Variants in RPS29 observed in about 807,000 individuals in gnomAD.
The protein encoded by RPS29 is small ribosomal subunit protein uS14.
For synonymous variants in RPS29, 37 were observed against 26.9 expected, an observed-to-expected ratio of 1.37 and a Z score of -1.16; for missense variants, 60 against 75.7, an observed-to-expected ratio of 0.79 and a Z score of 0.77.
exon 3 of RPS29, chr14:49,572,651 C>G (rs559761033): frequency 6.6e-6 from 1 of 152,084 alleles, no homozygotes; most frequent in Non-Finnish European, 1.5e-5. Flanking sequence ...ATGAAGGACA[C>G]AAATGAGAAG....
chr14:49,586,539 A>G (rs568884628), upstream of RPS29: 53 of 611,482 alleles, frequency 8.7e-5, no homozygotes, highest in African/African-American at 7.3e-4. Flanking sequence ...TGACGTCACC[A>G]TACCACAGCT....
At chr14:49,590,849 C>T (rs1881695239), upstream of RPS29, among the ~76,000 whole-genome samples, 1 of 152,062 alleles carries the variant, frequency 6.6e-6, no homozygotes. Context: ...TGCCACCACT[C>T]CCAGCTAATT....
chr14:49,584,224 T>C (rs1195945210), intron 2 of RPS29, among the ~76,000 whole-genome samples: 1 of 152,230 alleles, frequency 6.6e-6, no homozygotes, highest in African/African-American at 2.4e-5. Context: ...TCTGCCCATC[T>C]TGTCGGCCTC....
chr14:49,598,319 A>G (rs1208302263), intron 1 of RPS29: 7 of 608,100 alleles, frequency 1.2e-5, no homozygotes, highest in Admixed American at 5.7e-5. Flanking sequence ...AAGAAAATCA[A>G]GAGTACGAAG....
exon 3 of RPS29, chr14:49,570,990 G>A (rs1174945742): frequency 6.6e-6 from 1 of 152,120 alleles, no homozygotes; most frequent in Non-Finnish European, 1.5e-5. Flanking sequence ...AAAGTGAATT[G>A]TGTTTGGATG....
chr14:49,579,312 C>T (rs1251773158), downstream of RPS29, among the ~76,000 whole-genome samples: 1 of 152,174 alleles, frequency 6.6e-6, no homozygotes, highest in Non-Finnish European at 1.5e-5. Flanking sequence ...TCCTAGCCTC[C>T]AGAACTGTGA....
downstream of RPS29, among the ~76,000 whole-genome samples, chr14:49,580,244 C>T (rs1451979956): frequency 6.6e-6 from 1 of 152,202 alleles, no homozygotes; most frequent in Non-Finnish European, 1.5e-5. Flanking sequence ...AAGCTTCTCT[C>T]ATCATCTCCC....
intron 1 of RPS29, among the ~76,000 whole-genome samples, chr14:49,595,304 G>C (rs1021260256): frequency 6.6e-6 from 1 of 152,124 alleles, no homozygotes; most frequent in Non-Finnish European, 1.5e-5. Flanking sequence ...ATCTGATGTG[G>C]GTGGGGCATG....
chr14:49,588,318 T>A (rs1881635399), upstream of RPS29, among the ~76,000 whole-genome samples: 2 of 152,272 alleles, frequency 1.3e-5, no homozygotes, highest in Non-Finnish European at 2.9e-5. Context: ...TAATTCTTAA[T>A]ACTTATTCTA....
At chr14:49,586,255 G>A in intron 1 of RPS29, 30 bp downstream of exon 1, 1 of 1,608,804 alleles carries the variant, frequency 6.2e-7, no homozygotes, top group South Asian at 1.1e-5. Flanking sequence ...CCACGGCAAC[G>A]CTTCCCCAAA....
chr14:49,582,012 C>CCAAAAAAAAGAAAAAA (rs71115379), downstream of RPS29, among the ~76,000 whole-genome samples: 1 of 106,534 alleles, frequency 9.4e-6, no homozygotes, highest in African/African-American at 4.5e-5. Flanking sequence ...CCCTGCCCCC[C>CCAAAAAAAAGAAAAAA]AAAAAAAAAA....
At chr14:49,581,787 G>A (rs776858229), downstream of RPS29, among the ~76,000 whole-genome samples, 3 of 152,010 alleles carry the variant, frequency 2.0e-5, no homozygotes, top group Non-Finnish European at 4.4e-5. Flanking sequence ...CCAACACTTT[G>A]AGAGACCAAG....
rs1452287329 is a variant in RPS29 at position 49,591,681 on chromosome 14, C to T, written c.-132-5203G>A. Among the ~76,000 whole-genome samples the T allele has an allele frequency of 4.3e-5, 6 of 139,212 alleles. No individual in the cohort carries two copies. In the South Asian group the frequency reaches 1.1e-3, roughly 26 times the overall value. 91.3% of individuals were successfully genotyped at this position (139,212 alleles called of 152,430 possible). A position where few individuals can be genotyped will look rare whatever the true frequency, so the allele number is the denominator to read the frequency against. ...TGTCAGCCAGGATGGAGTGCAGTGG[C>T]GTGATCTCGGCTCACTGCAACCTCT... On this transcript the variant is annotated intron_variant, in intron 1 of 3. Transcript: ENST00000556230.
chr14:49,586,624 G>A (rs1442233675), upstream of RPS29: 13 of 469,502 alleles, frequency 2.8e-5, no homozygotes, highest in Non-Finnish European at 4.3e-5. Flanking sequence ...TACTCGGGAG[G>A]CTGAGGCTGG....
At chr14:49,578,515 C>A (rs1011952398) in intron 2 of RPS29, among the ~76,000 whole-genome samples, 2 of 143,640 alleles carry the variant, frequency 1.4e-5, no homozygotes, top group Non-Finnish European at 3.0e-5. Context: ...AAAAAAATTT[C>A]TTTCGGCAAT....
chr14:49,598,202 A>G (rs1024642688), intron 1 of RPS29: 1 of 557,408 alleles, frequency 1.8e-6, no homozygotes, highest in South Asian at 2.4e-5. Flanking sequence ...CTAGAGCACA[A>G]ATTTTAAGGA....
intron 2 of RPS29, among the ~76,000 whole-genome samples, chr14:49,584,993 A>G (rs1015865161): frequency 6.6e-6 from 1 of 152,222 alleles, no homozygotes; most frequent in South Asian, 2.1e-4. Context: ...GAAGCACTAA[A>G]TGGCAGACCA....
chr14:49,596,016 T>TGAAGGAGGGAGG (rs1293586204), intron 1 of RPS29, among the ~76,000 whole-genome samples: 4 of 88,932 alleles, frequency 4.5e-5, no homozygotes, highest in African/African-American at 1.5e-4. Flanking sequence ...AAGGAAGAAA[T>TGAAGGAGGGAGG]GAAGGAGGGA....
downstream of RPS29, among the ~76,000 whole-genome samples, chr14:49,582,007 C>CA (rs1290109143): frequency 3.4e-5 from 2 of 59,372 alleles, no homozygotes; most frequent in Non-Finnish European, 7.9e-5. Flanking sequence ...CAAGACCCTG[C>CA]CCCCCAAAAA....
Sources: allele counts gnomAD v4.1 joint callset (sites outside exome capture counted in the v4.1 genomes callset), GRCh38; gene constraint gnomAD v4.1.1; transcripts MANE v1.5; gene names NCBI Gene and HGNC (gene_info 2026-07-23, HGNC 2026-07-21).